The following PTPN13 variants were observed in gnomAD, a reference collection of about 807,000 sequenced individuals.
PTPN13 encodes protein tyrosine phosphatase non-receptor type 13.
PTPN13 carries 191 observed loss-of-function variants against 284.0 expected under a neutral mutation model. That is an observed-to-expected ratio of 0.67 (90% CI 0.60 to 0.76). PTPN13 has a LOEUF of 0.76. Ranked by LOEUF, PTPN13 falls within the 30% of genes least tolerant of loss-of-function variation. The probability of loss-of-function intolerance (pLI) is 0.00; values close to 1 mark genes in which losing one functional copy is unlikely to be tolerated. For synonymous variants in PTPN13, 986 were observed against 1,022.3 expected, an observed-to-expected ratio of 0.96 and a Z score of 0.68; for missense variants, 2,797 against 2,939.9, an observed-to-expected ratio of 0.95 and a Z score of 1.12.
At chr4:86,773,979 G>A (rs540943372) in intron 32 of PTPN13, among the ~76,000 whole-genome samples, 1 of 151,646 alleles carries the variant, frequency 6.6e-6, no homozygotes, top group Admixed American at 6.6e-5. Context: ...GAAATATATG[G>A]CTCTTTGCAT....
At chr4:86,664,485 C>G (rs1258274819) in intron 2 of PTPN13, among the ~76,000 whole-genome samples, 1 of 152,074 alleles carries the variant, frequency 6.6e-6, no homozygotes, top group Non-Finnish European at 1.5e-5. Flanking sequence ...GGTTGTGGAC[C>G]TGTGGTATAG....
intron 3 of PTPN13, among the ~76,000 whole-genome samples, chr4:86,676,660 T>C (rs1213327909): frequency 6.6e-6 from 1 of 152,126 alleles, no homozygotes; most frequent in Non-Finnish European, 1.5e-5. Context: ...GGAATATACA[T>C]ACAATGAATA....
chr4:86,649,638 T>G (rs914030533), intron 2 of PTPN13, among the ~76,000 whole-genome samples: 1 of 152,204 alleles, frequency 6.6e-6, no homozygotes, highest in Non-Finnish European at 1.5e-5. Flanking sequence ...AGCTTTGTAT[T>G]ATAATTTGAA....
Position 86,750,761 on chromosome 4 carries a change from A to G in PTPN13, c.2942A>G (p.His981Arg), listed in dbSNP as rs200682354. ...CTCAGTCAGGCCTCTCTCTATCCAC[A>G]TCGGAAAAATGTCATTGTTAACATG... ...HDLSQASLYP[H>R]RKNVIVNMEP... Residue 981 changes from histidine to arginine, a missense_variant, in exon 18 of 48, where the codon CAT (histidine) becomes CGT (arginine). Physicochemically the swap from His to Arg is conservative, Grantham distance 29. Coordinates refer to ENST00000411767, the MANE Select transcript of PTPN13 (RefSeq NM_080683.3). 120 of 1,613,574 alleles carry G rather than the reference A, an allele frequency of 7.4e-5. No individual in the cohort carries two copies. The highest frequency in any genetic ancestry group is 7.4e-4 in the East Asian group (33 of 44,834).
At chr4:86,808,293 C>T (rs1158498094) in intron 45 of PTPN13, among the ~76,000 whole-genome samples, 1 of 152,186 alleles carries the variant, frequency 6.6e-6, no homozygotes, top group Non-Finnish European at 1.5e-5. Flanking sequence ...CTCATAAAGG[C>T]AACTTAACAT....
intron 1 of PTPN13, among the ~76,000 whole-genome samples, chr4:86,597,428 A>G (rs760569989): frequency 6.6e-6 from 1 of 150,672 alleles, no homozygotes; most frequent in Non-Finnish European, 1.5e-5. Context: ...ATTTTTTTAA[A>G]TAGAGACAAT....
intron 5 of PTPN13, among the ~76,000 whole-genome samples, chr4:86,690,648 AC>A (rs1480270104): frequency 6.6e-6 from 1 of 152,110 alleles, no homozygotes; most frequent in Non-Finnish European, 1.5e-5. Context: ...CTTTTTTATT[AC>A]ACCACACTTT....
intron 42 of PTPN13, among the ~76,000 whole-genome samples, chr4:86,802,146 AGTGTGT>A (rs55759778): frequency 1.1e-4 from 15 of 135,196 alleles, no homozygotes; most frequent in African/African-American, 2.8e-4. Flanking sequence ...TCAAGATTTT[AGTGTGT>A]GTGTGTGTGT....
chr4:86,722,678 C>T (rs1216572662), intron 10 of PTPN13, among the ~76,000 whole-genome samples: 1 of 152,056 alleles, frequency 6.6e-6, no homozygotes, highest in African/African-American at 2.4e-5. Context: ...TAACTATATA[C>T]TTTAAAAGTA....
chr4:86,805,050 G>C (rs1203796287), intron 43 of PTPN13, among the ~76,000 whole-genome samples: 1 of 152,042 alleles, frequency 6.6e-6, no homozygotes, highest in African/African-American at 2.4e-5. Flanking sequence ...ACAAAGTTCT[G>C]TCTCATAAAG....
intron 15 of PTPN13, among the ~76,000 whole-genome samples, chr4:86,739,783 A>G (rs565537884): frequency 6.6e-5 from 10 of 152,362 alleles, no homozygotes; most frequent in South Asian, 4.1e-4. Context: ...TGCAAAATCA[A>G]AAGCAAGTTA....
intron 2 of PTPN13, among the ~76,000 whole-genome samples, chr4:86,652,178 C>T (rs1725163694): frequency 6.6e-6 from 1 of 151,556 alleles, no homozygotes; most frequent in South Asian, 2.1e-4. Flanking sequence ...AATTTTTGCT[C>T]TGATCTTTCT....
rs546847589 is a variant in PTPN13, at chr4:86,757,593, C to T, written c.3224-667C>T. ...AAGACCAGTCTGGGCAACATAGACTCCATCTCTACAAAAATAAAAAATTAG... is the reference window on the plus strand; with the variant it reads ...AAGACCAGTCTGGGCAACATAGACTTCATCTCTACAAAAATAAAAAATTAG... On this transcript the variant is annotated intron_variant, in intron 20 of 47. Coordinates refer to ENST00000411767, the MANE Select transcript of PTPN13 (RefSeq NM_080683.3). Among the ~76,000 whole-genome samples, 9 of 151,960 alleles carry T rather than the reference C, an allele frequency of 5.9e-5. No homozygotes were observed. The South Asian group carries it at 1.9e-3, about 32-fold the overall frequency.
chr4:86,809,726 A>C, intron 45 of PTPN13, 43 bp from the exon 46 acceptor site: 1 of 1,526,916 alleles, frequency 6.5e-7, no homozygotes, highest in South Asian at 1.1e-5. Flanking sequence ...TATGTGAACA[A>C]TATAACATGT....
chr4:86,766,301 A>G (rs1415001307), intron 26 of PTPN13, 131 bp from the exon 27 acceptor site: 4 of 648,660 alleles, frequency 6.2e-6, no homozygotes, highest in Non-Finnish European at 1.1e-5. Context: ...CATATTAAAG[A>G]AACTCTGTAA....
intron 2 of PTPN13, among the ~76,000 whole-genome samples, chr4:86,655,012 T>C (rs917115100): frequency 5.3e-5 from 8 of 152,224 alleles, no homozygotes; most frequent in African/African-American, 1.2e-4. Context: ...TCTTTGTCTC[T>C]TTTGATCTTT....
chr4:86,598,690 TC>T lies in PTPN13; in HGVS notation c.-6+3902del, dbSNP rs1172708664. Among the ~76,000 whole-genome samples the T allele has an allele frequency of 1.1e-4, 17 of 152,350 alleles. No individual in the cohort carries two copies. The South Asian group carries it at 3.3e-3, about 30-fold the overall frequency. ...CTTCATCTGTGCTTAATAAACAGTT[TC>T]TTTTTTTTCCTCCTAGTTTAGTAGT... On this transcript the variant is annotated intron_variant, in intron 1 of 47. Coordinates refer to ENST00000411767, the MANE Select transcript of PTPN13 (RefSeq NM_080683.3).
chr4:86,747,818 CT>C (rs752621936), intron 17 of PTPN13, among the ~76,000 whole-genome samples: 9 of 152,172 alleles, frequency 5.9e-5, no homozygotes, highest in Non-Finnish European at 1.2e-4. Flanking sequence ...TTTATTTGTA[CT>C]ACAAGTGAAA....
chr4:86,733,665 A>G (rs1047367460), intron 12 of PTPN13, among the ~76,000 whole-genome samples: 1 of 152,140 alleles, frequency 6.6e-6, no homozygotes, highest in South Asian at 2.1e-4. Flanking sequence ...TAATCAGTCA[A>G]TATTGTCTAC....
Sources: allele counts gnomAD v4.1 joint callset (sites outside exome capture counted in the v4.1 genomes callset), GRCh38; gene constraint gnomAD v4.1.1; transcripts MANE v1.5; gene names NCBI Gene and HGNC (gene_info 2026-07-23, HGNC 2026-07-21).